The following SETBP1 variants were observed in gnomAD, a reference collection of about 807,000 sequenced individuals.
The protein encoded by SETBP1 is SET-binding protein.
Under a neutral mutation model 101.0 loss-of-function variants are expected in SETBP1, and 9 were observed. The observed-to-expected ratio is 0.09, with a 90% CI of 0.05 to 0.16. The LOEUF (loss-of-function observed/expected upper bound fraction) is 0.16, where lower values mean the gene tolerates loss of function less well. SETBP1 is among the 10% of genes least tolerant of loss of function. The pLI is 1.00. For synonymous variants in SETBP1, 818 were observed against 788.5 expected (o/e 1.04, Z -0.63); for missense variants, 1,858 against 2,033.8 (o/e 0.91, Z 1.66).
At chr18:44,736,675 AT>A (rs2069975196) in intron 2 of SETBP1, among the ~76,000 whole-genome samples, 1 of 152,182 alleles carries the variant, frequency 6.6e-6, no homozygotes. Flanking sequence ...TTGTGTATAT[AT>A]TTTATCACTT....
chr18:45,032,220 T>C (rs562156676), intron 4 of SETBP1, among the ~76,000 whole-genome samples: 3 of 152,274 alleles, frequency 2.0e-5, no homozygotes, highest in African/African-American at 4.8e-5. Context: ...GGAGGTCACC[T>C]CAGATCCCAC....
intron 2 of SETBP1, among the ~76,000 whole-genome samples, chr18:44,848,006 T>A (rs1043551971): frequency 6.6e-6 from 1 of 152,080 alleles, no homozygotes; most frequent in African/African-American, 2.4e-5. Flanking sequence ...CCCTGGAAAC[T>A]CTCAGAAATG....
intron 5 of SETBP1, among the ~76,000 whole-genome samples, chr18:45,060,426 A>G (rs997408449): frequency 6.6e-6 from 1 of 152,190 alleles, no homozygotes; most frequent in African/African-American, 2.4e-5. Flanking sequence ...TTTAATTTTT[A>G]CCAACATGAG....
chr18:44,846,894 A>G (rs2072735470), intron 2 of SETBP1, among the ~76,000 whole-genome samples: 1 of 152,186 alleles, frequency 6.6e-6, no homozygotes, highest in South Asian at 2.1e-4. Flanking sequence ...GGCTGTTACC[A>G]TCTCCCAAAC....
At chr18:44,680,654 A>G (rs1375620475), upstream of SETBP1, among the ~76,000 whole-genome samples, 2 of 152,046 alleles carry the variant, frequency 1.3e-5, no homozygotes, top group Admixed American at 6.5e-5. Flanking sequence ...TGCTGGCTCA[A>G]TTGGAGTGGC....
In SETBP1 at chr18:44,950,236, C is replaced by A; in HGVS notation, c.896C>A (p.Pro299Gln). 6.2e-7 allele frequency: 1 copy of A among 1,614,010 alleles called. No homozygotes were observed. Among genetic ancestry groups the A allele is most frequent in the Non-Finnish European group, 8.5e-7 (1 of 1,180,036 alleles). The change falls in exon 4 of 6, where the codon CCA becomes CAA. Residue 299 changes from proline (P) to glutamine (Q), a missense_variant. Around this residue, in one of 12 missense-constraint regions of SETBP1, gnomAD observed 581 missense variants for 535.1 expected, o/e 1.09. Transcript: ENST00000649279. ...CCATCCCCAAGCAGCCACAGCTCAC[C>A]AGCCCCACCCAGCAGCTCTGCTGAG... ...VAPSPSSHSS[P>Q]APPSSSAECN... is the part of the protein sequence containing the mutation.
chr18:44,977,410 T>C (rs541176671), intron 4 of SETBP1, among the ~76,000 whole-genome samples: 1 of 152,354 alleles, frequency 6.6e-6, no homozygotes, highest in Admixed American at 6.5e-5. Flanking sequence ...CCAGAAAAGC[T>C]GGATGTGGCT....
intron 3 of SETBP1, among the ~76,000 whole-genome samples, chr18:44,877,696 A>G (rs1479802984): frequency 2.6e-5 from 4 of 152,188 alleles, no homozygotes; most frequent in South Asian, 2.1e-4. Flanking sequence ...CTCTTCTTAC[A>G]TGAAATCAAC....
chr18:44,937,635 G>A (rs544104477), intron 3 of SETBP1, among the ~76,000 whole-genome samples: 4 of 152,234 alleles, frequency 2.6e-5, no homozygotes, highest in African/African-American at 9.6e-5. Context: ...TAGAGCCCAG[G>A]AACAGTGAGT....
chr18:44,832,241 G>A (rs1652666888), intron 2 of SETBP1, among the ~76,000 whole-genome samples: 1 of 152,182 alleles, frequency 6.6e-6, no homozygotes, highest in Admixed American at 6.5e-5. Context: ...TCAGATTCAA[G>A]CCACTGACCA....
In SETBP1 at chr18:44,930,721, C is replaced by T. The variant is rs370476674; in HGVS notation, c.541-19160C>T. Among the ~76,000 whole-genome samples the T allele has an allele frequency of 3.3e-3, 509 of 152,164 alleles. 5 individuals carry two copies. The highest frequency in any genetic ancestry group is 0.012 in the African/African-American group (484 of 41,530). ...TCTTCTAGATTTTCTAGTTTATTTG[C>T]GTAGGGCTGTTTATAGTATTCTCTG... is the stretch of plus-strand genomic sequence containing the variant. On this transcript the variant is annotated intron_variant, in intron 3 of 5. Coordinates refer to ENST00000649279, the MANE Select transcript of SETBP1 (RefSeq NM_015559.3).
intron 2 of SETBP1, among the ~76,000 whole-genome samples, chr18:44,744,614 C>G (rs2070184427): frequency 6.6e-6 from 1 of 152,118 alleles, no homozygotes; most frequent in Non-Finnish European, 1.5e-5. Flanking sequence ...TGTCGCGCAC[C>G]CAGTCTCTCG....
At chr18:44,986,761 G>T (rs1156597188) in intron 4 of SETBP1, 13 of 151,928 alleles carry the variant, frequency 8.6e-5, no homozygotes. Flanking sequence ...GTCTTCAGGG[G>T]CAATAACACG....
At chr18:44,810,222 A>T (rs895676994) in intron 2 of SETBP1, among the ~76,000 whole-genome samples, 13 of 152,374 alleles carry the variant, frequency 8.5e-5, no homozygotes, top group African/African-American at 3.1e-4. Flanking sequence ...AAGGAAAAGA[A>T]AATCAAGATT....
intron 3 of SETBP1, chr18:44,876,859 G>T: frequency 7.1e-7 from 1 of 1,414,658 alleles, no homozygotes; most frequent in Non-Finnish European, 9.3e-7. Flanking sequence ...ACAGCATTTG[G>T]GCTTATGATC....
intron 3 of SETBP1, among the ~76,000 whole-genome samples, chr18:44,939,129 CAA>C (rs1482759302): frequency 2.6e-5 from 4 of 151,964 alleles, no homozygotes; most frequent in Non-Finnish European, 5.9e-5. Flanking sequence ...ATATGAAGTT[CAA>C]AGAGTATCAA....
intron 3 of SETBP1, among the ~76,000 whole-genome samples, chr18:44,940,964 T>C (rs890533807): frequency 1.3e-5 from 2 of 152,170 alleles, no homozygotes; most frequent in Non-Finnish European, 2.9e-5. Context: ...TCATCATTTT[T>C]AAAGAATATT....
intron 2 of SETBP1, among the ~76,000 whole-genome samples, chr18:44,841,760 A>G (rs941632860): frequency 3.9e-5 from 6 of 152,140 alleles, no homozygotes; most frequent in African/African-American, 1.2e-4. Flanking sequence ...GCATGTGACC[A>G]TCTCACCCCT....
At chr18:44,807,731 G>A (rs1263892489) in intron 2 of SETBP1, among the ~76,000 whole-genome samples, 1 of 152,164 alleles carries the variant, frequency 6.6e-6, no homozygotes, top group African/African-American at 2.4e-5. Context: ...AATTTAGGGT[G>A]TCCTGCACAG....
Sources: allele counts gnomAD v4.1 joint callset (sites outside exome capture counted in the v4.1 genomes callset), GRCh38; gene constraint gnomAD v4.1.1; regional missense constraint gnomAD v4.1.1; transcripts MANE v1.5; gene names NCBI Gene and HGNC (gene_info 2026-07-23, HGNC 2026-07-21).